Variants in PPP4R3A observed in about 807,000 individuals in gnomAD.
The protein encoded by PPP4R3A is serine/threonine-protein phosphatase 4 regulatory subunit 3A.
PPP4R3A carries 15 observed loss-of-function variants against 91.7 expected under a neutral mutation model. The ratio of observed to expected loss-of-function variants is 0.16; its 90% CI spans 0.11 to 0.25. PPP4R3A has a LOEUF of 0.25. Ranked by LOEUF, PPP4R3A falls within the 10% of genes least tolerant of loss-of-function variation. PPP4R3A has a pLI of 1.00. For synonymous variants in PPP4R3A, 377 were observed against 348.7 expected (o/e 1.08, Z -0.91); for missense variants, 623 against 998.4 (o/e 0.62, Z 5.07).
In PPP4R3A at chr14:91,471,173, CTTTT is replaced by C. The variant is rs772523489; in HGVS notation, c.1502-182_1502-179del. Among the ~76,000 whole-genome samples, 43 of 151,980 alleles carry C rather than the reference CTTTT, an allele frequency of 2.8e-4. 1 individual carries two copies. The highest frequency in any genetic ancestry group is 5.4e-4 in the Non-Finnish European group (37 of 67,996). On this transcript the variant is annotated intron_variant, in intron 9 of 14. Transcript: ENST00000554943. ...AACATGTGCCAGGAATGGTGCTTTA[CTTTT>C]TTTTATTTAATTTTAACAACCCTAT...
Position 91,461,362 on chromosome 14 carries a change from A to C in PPP4R3A, c.2391+19T>G, listed in dbSNP as rs1239099132. ...TTCAATTGGGAAAAAAGGGGGCAAA[A>C]TGGGAGTCAAGAATGTACCTTTGTA... On this transcript the variant is annotated intron_variant, in intron 14 of 14. Transcript: ENST00000554943. 1.3e-6 allele frequency: 2 copies of C among 1,590,266 alleles called. No homozygotes were observed. Among genetic ancestry groups the C allele is most frequent in the East Asian group, 2.3e-5 (1 of 44,274 alleles).
In PPP4R3A at chr14:91,486,695, G is replaced by A. The variant is rs912846921; in HGVS notation, c.199-965C>T. 3.9e-5 allele frequency among the ~76,000 whole-genome samples: 6 copies of A among 151,996 alleles called. No individual in the cohort carries two copies. In the East Asian group the frequency reaches 7.8e-4, roughly 20 times the overall value. Reference sequence around the variant, plus strand: ...AGCACTTTGGGAGGCTGAGGTGGGCGGAGGTCAGGAGTTTGAGGTCAGCCT... The same window carrying A: ...AGCACTTTGGGAGGCTGAGGTGGGCAGAGGTCAGGAGTTTGAGGTCAGCCT... On this transcript the variant is annotated intron_variant, in intron 2 of 14. Transcript: ENST00000554943.
rs543237729 is a variant in PPP4R3A at position 91,471,143 on chromosome 14, C to G, written c.1502-148G>C. On this transcript the variant is annotated intron_variant, in intron 9 of 14. Transcript: ENST00000554943. ...GAGGAGGAAATTAGCATTTACTGAA[C>G]GCCTAACATGTGCCAGGAATGGTGC... 8.7e-6 allele frequency: 6 copies of G among 686,130 alleles called. No individual in the cohort carries two copies. The East Asian group carries it at 1.8e-4, about 21-fold the overall frequency. The allele number at this position is 686,130 out of a possible 1,614,324, so 42.5% of individuals were successfully genotyped here. A position where few individuals can be genotyped will look rare whatever the true frequency, so the allele number is the denominator to read the frequency against.
At chr14:91,468,736 C>CT (rs66735873) in intron 10 of PPP4R3A, among the ~76,000 whole-genome samples, 131 of 139,208 alleles carry the variant, frequency 9.4e-4, no homozygotes, top group East Asian at 4.1e-3. Context: ...ACATGCCACA[C>CT]TTTTTTTTTT....
chr14:91,481,533 G>C, intron 4 of PPP4R3A, 43 bp downstream of exon 4: 2 of 1,492,100 alleles, frequency 1.3e-6, no homozygotes, highest in Non-Finnish European at 1.8e-6. Context: ...AATTGTTTTC[G>C]CTGCATCTCT....
At chr14:91,490,622 T>G (rs1449647946) in intron 2 of PPP4R3A, 125 bp downstream of exon 2, 3 of 704,512 alleles carry the variant, frequency 4.3e-6, no homozygotes, top group Admixed American at 3.2e-5. Flanking sequence ...GAAATCCTAT[T>G]TTAGAATTTC....
chr14:91,498,581 G>C (rs12050396), intron 1 of PPP4R3A, among the ~76,000 whole-genome samples: 13,839 of 152,166 alleles, frequency 0.091, 1,245 homozygotes, highest in East Asian at 0.44. Context: ...AATGACCCCA[G>C]GTACTTGGGA....
rs558083576 is a variant in PPP4R3A, at chr14:91,484,965, G to A, written c.297+667C>T. Among the ~76,000 whole-genome samples the A allele has an allele frequency of 1.1e-4, 16 of 152,074 alleles. No homozygotes were observed. The East Asian group carries it at 1.7e-3, about 16-fold the overall frequency. On this transcript the variant is annotated intron_variant, in intron 3 of 14. Coordinates refer to ENST00000554943, the MANE Select transcript of PPP4R3A (RefSeq NM_001366432.2). ...AATAAATTAAGAACATTCGAGCCTA[G>A]AGGCACGGTAAGGCTGAATAGTCAG...
At position 91,478,971 on chromosome 14, in the gene PPP4R3A, C is replaced by T. The variant is rs146880825; in HGVS notation, c.916-1985G>A. Among the ~76,000 whole-genome samples the T allele has an allele frequency of 4.2e-3, 642 of 152,264 alleles. 5 individuals are homozygous for T. The highest frequency in any genetic ancestry group is 0.015 in the African/African-American group (612 of 41,548). On this transcript the variant is annotated intron_variant, in intron 4 of 14. Coordinates refer to ENST00000554943, the MANE Select transcript of PPP4R3A (RefSeq NM_001366432.2). ...CAAGTCATATTACACTTATCTGCAG[C>T]GGTGCGACCTTGGCTCAATGCAACC...
At chr14:91,482,849 G>T (rs943053103) in intron 3 of PPP4R3A, among the ~76,000 whole-genome samples, 1 of 152,072 alleles carries the variant, frequency 6.6e-6, no homozygotes, top group African/African-American at 2.4e-5. Flanking sequence ...AAAACACTAG[G>T]CAGAATACAA....
chr14:91,466,910 C>T (rs1483549717), intron 10 of PPP4R3A, among the ~76,000 whole-genome samples: 4 of 147,894 alleles, frequency 2.7e-5, no homozygotes, highest in East Asian at 2.0e-4. Flanking sequence ...TCCAACTTTG[C>T]GGGCTTTGTG....
intron 3 of PPP4R3A, among the ~76,000 whole-genome samples, chr14:91,485,102 C>T (rs1889805538): frequency 1.3e-5 from 2 of 151,892 alleles, no homozygotes; most frequent in African/African-American, 4.8e-5. Flanking sequence ...AAAAGATCAC[C>T]TAATTGCTCT....
chr14:91,473,142 A>T lies in PPP4R3A; in HGVS notation c.1399-7T>A. On this transcript the variant is annotated splice_polypyrimidine_tract_variant and splice_region_variant and intron_variant, in intron 8 of 14. Coordinates refer to ENST00000554943, the MANE Select transcript of PPP4R3A (RefSeq NM_001366432.2). ...ATTCAGTCTTTTCTGTTTTCTAAGG[A>T]AACAAGAACAATTCCATGAACTTTA... The T allele has an allele frequency of 6.2e-7, 1 of 1,614,016 alleles. No individual in the cohort carries two copies. Among genetic ancestry groups the T allele is most frequent in the Non-Finnish European group, 8.5e-7 (1 of 1,179,956 alleles).
At chr14:91,505,467 C>T (rs1420572992) in intron 1 of PPP4R3A, among the ~76,000 whole-genome samples, 4 of 150,880 alleles carry the variant, frequency 2.7e-5, no homozygotes, top group Non-Finnish European at 5.9e-5. Context: ...AAAACACACA[C>T]CATTTATTTC....
chr14:91,476,440 T>C lies in PPP4R3A; in HGVS notation c.1078A>G (p.Met360Val), dbSNP rs1405335769. 3.7e-6 allele frequency: 6 copies of C among 1,612,122 alleles called. No homozygotes were observed. Among genetic ancestry groups the C allele is most frequent in the Non-Finnish European group, 5.1e-6 (6 of 1,179,520 alleles). ...ACTTCTAAAGCTGGTAATATGCCCA[T>C]GTTTGACAAAGTCTTGAAAAAAGCA... ...RDAFFKTLSN[M>V]GILPALEVIL... Residue 360 changes from methionine (M) to valine (V), a missense_variant, in exon 6 of 15, where the codon ATG becomes GTG. Coordinates refer to ENST00000554943, the MANE Select transcript of PPP4R3A (RefSeq NM_001366432.2).
chr14:91,505,984 A>G (rs563161042), intron 1 of PPP4R3A, among the ~76,000 whole-genome samples: 1 of 151,254 alleles, frequency 6.6e-6, no homozygotes, highest in South Asian at 2.1e-4. Context: ...TCGCTTTGTC[A>G]CCCAGACTGG....
intron 1 of PPP4R3A, among the ~76,000 whole-genome samples, chr14:91,493,060 T>C (rs1890318384): frequency 6.6e-6 from 1 of 151,950 alleles, no homozygotes; most frequent in Admixed American, 6.6e-5. Flanking sequence ...ACCTTGCCTC[T>C]GCAAACATAA....
At position 91,458,501 on chromosome 14, in the gene PPP4R3A, C is replaced by T; in HGVS notation, c.*258G>A. ...CCCCTGCCCTGTTGGCTTTTTGTTT[C>T]CATTTCCTTCCCTGAGAAAAGGGCA... On this transcript the variant is annotated 3_prime_UTR_variant, in exon 15 of 15. Coordinates refer to ENST00000554943, the MANE Select transcript of PPP4R3A (RefSeq NM_001366432.2). 1 of 520,534 alleles carries T rather than the reference C, an allele frequency of 1.9e-6. No individual in the cohort carries two copies. The highest frequency in any genetic ancestry group is 3.1e-5 in the Admixed American group (1 of 31,792). 32.2% of individuals were successfully genotyped at this position (520,534 alleles called of 1,614,324 possible).
intron 4 of PPP4R3A, among the ~76,000 whole-genome samples, chr14:91,478,740 C>G (rs1003256716): frequency 1.1e-5 from 1 of 87,758 alleles, no homozygotes; most frequent in Non-Finnish European, 3.5e-5. Context: ...TCATACTTTT[C>G]CTTTTTTTGC....
Sources: allele counts gnomAD v4.1 joint callset (sites outside exome capture counted in the v4.1 genomes callset), GRCh38; gene constraint gnomAD v4.1.1; transcripts MANE v1.5; gene names NCBI Gene and HGNC (gene_info 2026-07-23, HGNC 2026-07-21).